LRFN5: variants seen among roughly 807,000 people sequenced by gnomAD.
LRFN5 encodes leucine rich repeat and fibronectin type III domain containing 5, also known as leucine-rich repeat and fibronectin type-III domain-containing protein 5.
In LRFN5, 24 loss-of-function variants were observed where a neutral mutation model predicts 45.6. The ratio of observed to expected loss-of-function variants is 0.53; its 90% CI spans 0.38 to 0.74. The LOEUF (loss-of-function observed/expected upper bound fraction) is 0.74. LRFN5 is among the 30% of genes least tolerant of loss of function. LRFN5 has a pLI of 0.00. For synonymous variants in LRFN5, 340 were observed against 313.8 expected (o/e 1.08, Z -0.88); for missense variants, 776 against 861.5 (o/e 0.90, Z 1.24).
At chr14:41,702,377 T>C (rs1362312236) in intron 1 of LRFN5, among the ~76,000 whole-genome samples, 1 of 152,162 alleles carries the variant, frequency 6.6e-6, no homozygotes, top group Non-Finnish European at 1.5e-5. Context: ...GCACCATACA[T>C]TGTATACTTT....
At chr14:41,819,664 AAG>A (rs1013005824) in intron 2 of LRFN5, among the ~76,000 whole-genome samples, 2 of 151,184 alleles carry the variant, frequency 1.3e-5, no homozygotes, top group Admixed American at 6.6e-5. Context: ...GAGCAGGAGA[AAG>A]AGAGAGAGAG....
At chr14:41,880,964 T>G (rs1890359531) in intron 2 of LRFN5, among the ~76,000 whole-genome samples, 1 of 152,218 alleles carries the variant, frequency 6.6e-6, no homozygotes. Flanking sequence ...ATGACATATC[T>G]TTTTCAGCCT....
intron 1 of LRFN5, among the ~76,000 whole-genome samples, chr14:41,689,928 C>G (rs980875404): frequency 6.8e-6 from 1 of 148,050 alleles, no homozygotes; most frequent in Admixed American, 6.7e-5. Context: ...AATTACCCAC[C>G]AAAAAGGGCT....
chr14:41,688,545 A>C (rs1238912865), intron 1 of LRFN5, among the ~76,000 whole-genome samples: 2 of 152,094 alleles, frequency 1.3e-5, no homozygotes, highest in African/African-American at 4.8e-5. Flanking sequence ...TTAAATGATA[A>C]ATGATCAACT....
At chr14:41,687,928 C>CT (rs541234053) in intron 1 of LRFN5, among the ~76,000 whole-genome samples, 137 of 152,220 alleles carry the variant, frequency 9.0e-4, no homozygotes, top group Non-Finnish European at 1.7e-3. Flanking sequence ...ATGTATCCCC[C>CT]TTTTTTAGAA....
At chr14:41,894,753 T>C in intron 4 of LRFN5, 1 of 983,698 alleles carries the variant, frequency 1.0e-6, no homozygotes, top group South Asian at 4.7e-5. Flanking sequence ...AATATGGCCA[T>C]GGAGTAAGGT....
At chr14:41,718,187 G>C (rs1225488076) in intron 1 of LRFN5, among the ~76,000 whole-genome samples, 5 of 152,118 alleles carry the variant, frequency 3.3e-5, no homozygotes, top group African/African-American at 1.2e-4. Context: ...GAAGTTACTT[G>C]ACATCTCTAA....
intron 1 of LRFN5, among the ~76,000 whole-genome samples, chr14:41,723,726 G>A (rs180871740): frequency 6.6e-6 from 1 of 152,082 alleles, no homozygotes; most frequent in Non-Finnish European, 1.5e-5. Flanking sequence ...TGACCATGGA[G>A]AGCACAATTC....
intron 1 of LRFN5, among the ~76,000 whole-genome samples, chr14:41,688,720 T>C (rs1039545178): frequency 2.6e-5 from 4 of 151,768 alleles, no homozygotes; most frequent in African/African-American, 9.7e-5. Context: ...CCAAAATTTA[T>C]GAGATGCAGC....
chr14:41,805,702 T>C (rs1212813933), intron 2 of LRFN5, among the ~76,000 whole-genome samples: 1 of 152,034 alleles, frequency 6.6e-6, no homozygotes, highest in African/African-American at 2.4e-5. Context: ...AAATCATCAT[T>C]CTCAGTAAAC....
intron 1 of LRFN5, among the ~76,000 whole-genome samples, chr14:41,694,890 A>T (rs1024578651): frequency 1.3e-5 from 2 of 151,972 alleles, no homozygotes; most frequent in Non-Finnish European, 2.9e-5. Context: ...TGAACGAGAG[A>T]AAAGTCCAAT....
chr14:41,845,018 G>A (rs963111908), intron 2 of LRFN5, among the ~76,000 whole-genome samples: 46 of 152,076 alleles, frequency 3.0e-4, no homozygotes, highest in African/African-American at 7.7e-4. Flanking sequence ...AAACATGATC[G>A]TATTTTAATA....
chr14:41,634,018 C>T (rs1199191897), intron 1 of LRFN5, among the ~76,000 whole-genome samples: 1 of 152,070 alleles, frequency 6.6e-6, no homozygotes, highest in African/African-American at 2.4e-5. Context: ...AATGAATTAT[C>T]GCCATATAAT....
intron 3 of LRFN5, among the ~76,000 whole-genome samples, chr14:41,890,650 T>G (rs1335834165): frequency 6.7e-6 from 1 of 149,904 alleles, no homozygotes; most frequent in Non-Finnish European, 1.5e-5. Context: ...GAGCTTTCAT[T>G]GAGCCGAGAT....
At chr14:41,687,908 C>G (rs1882193213) in intron 1 of LRFN5, among the ~76,000 whole-genome samples, 1 of 152,104 alleles carries the variant, frequency 6.6e-6, no homozygotes, top group Non-Finnish European at 1.5e-5. Context: ...AGAACCTGCA[C>G]TATCTGTACA....
At chr14:41,630,100 A>C (rs1888483251) in intron 1 of LRFN5, among the ~76,000 whole-genome samples, 1 of 152,158 alleles carries the variant, frequency 6.6e-6, no homozygotes, top group South Asian at 2.1e-4. Flanking sequence ...AAAGGCATTA[A>C]TGATGTCATA....
intron 1 of LRFN5, among the ~76,000 whole-genome samples, chr14:41,736,175 T>A (rs1003222743): frequency 6.6e-6 from 1 of 152,114 alleles, no homozygotes; most frequent in Admixed American, 6.6e-5. Flanking sequence ...CTTGAGGAAT[T>A]GCCACACTGT....
rs563262184 is a variant in LRFN5 at position 41,847,138 on chromosome 14, A to AT, written c.-20-39459dup. Among the ~76,000 whole-genome samples, 950 of 151,316 alleles carry AT rather than the reference A, an allele frequency of 6.3e-3. 6 individuals carry two copies. Among genetic ancestry groups the AT allele is most frequent in the African/African-American group, 0.022 (903 of 41,262 alleles). On this transcript the variant is annotated intron_variant, in intron 2 of 5. Coordinates refer to ENST00000298119, the MANE Select transcript of LRFN5 (RefSeq NM_152447.5). ...AGACAGGACTAATTCAAGAGTAATT[A>AT]TTTTTTTTTAGAGCCTTCATTGGGG...
At chr14:41,695,873 T>C (rs1882588210) in intron 1 of LRFN5, among the ~76,000 whole-genome samples, 1 of 151,968 alleles carries the variant, frequency 6.6e-6, no homozygotes, top group African/African-American at 2.4e-5. Flanking sequence ...CTTTCAAACT[T>C]TGTCTTATTA....
Sources: gnomAD v4.1 joint callset for allele counts (sites outside exome capture counted in the v4.1 genomes callset) on GRCh38, gnomAD v4.1.1 for gene constraint, MANE v1.5 for transcripts, NCBI Gene and HGNC (gene_info 2026-07-23, HGNC 2026-07-21) for gene names.